SEL1L2: variants seen among roughly 807,000 people sequenced by gnomAD.
SEL1L2 encodes the protein protein sel-1 homolog 2.
SEL1L2 carries 89 observed loss-of-function variants against 98.8 expected under a neutral mutation model. The observed-to-expected ratio is 0.90, with a 90% CI of 0.76 to 1.07. The LOEUF is 1.07. SEL1L2 is among the 50% of genes least tolerant of loss of function. The pLI is 0.00. For missense variants in SEL1L2, 788 were observed against 812.0 expected (o/e 0.97, Z 0.36); for synonymous variants, 262 against 278.5 (o/e 0.94, Z 0.59).
At chr20:13,885,277 C>A in intron 10 of SEL1L2, 70 bp downstream of exon 10, 2 of 1,001,146 alleles carry the variant, frequency 2.0e-6, no homozygotes, top group African/African-American at 1.6e-5. Context: ...CCCCTGCTTT[C>A]ACTTCCCTGC....
intron 18 of SEL1L2, among the ~76,000 whole-genome samples, chr20:13,853,952 A>G (rs1158627565): frequency 6.6e-6 from 1 of 152,202 alleles, no homozygotes; most frequent in African/African-American, 2.4e-5. Flanking sequence ...ATTTCCCTAG[A>G]TGATAGATGT....
chr20:13,873,528 ATTT>A (rs1307261573), intron 12 of SEL1L2, among the ~76,000 whole-genome samples: 1 of 151,322 alleles, frequency 6.6e-6, no homozygotes, highest in African/African-American at 2.4e-5. Context: ...TGCCCAGCTA[ATTT>A]TTGTATTTTT....
rs189572477 is a variant in SEL1L2, at chr20:13,865,027, C to T, written c.1645+140G>A. On this transcript the variant is annotated intron_variant, in intron 17 of 19. Transcript: ENST00000284951. ...ATCTCTCACCAAAGACTGACCCTAACATCAGTATAGTTTGAAATGTCACCT... is the reference window on the plus strand; with the variant it reads ...ATCTCTCACCAAAGACTGACCCTAATATCAGTATAGTTTGAAATGTCACCT... The T allele has an allele frequency of 4.8e-4, 320 of 668,298 alleles. 1 individual carries two copies. The highest frequency in any genetic ancestry group is 7.6e-4 in the Non-Finnish European group (283 of 372,238). The allele number at this position is 668,298 out of a possible 1,614,324, so 41.4% of individuals were successfully genotyped here.
At chr20:13,980,698 C>T (rs2148547892) in intron 1 of SEL1L2, among the ~76,000 whole-genome samples, 1 of 152,280 alleles carries the variant, frequency 6.6e-6, no homozygotes, top group East Asian at 1.9e-4. Context: ...ATATTCATTA[C>T]AGCATGATTT....
chr20:13,962,378 AC>A (rs2050819909), intron 1 of SEL1L2, among the ~76,000 whole-genome samples: 1 of 152,026 alleles, frequency 6.6e-6, no homozygotes, highest in African/African-American at 2.4e-5. Flanking sequence ...AGCCTCCTTT[AC>A]CTTCCTGGGG....
intron 12 of SEL1L2, among the ~76,000 whole-genome samples, chr20:13,871,984 T>C (rs2046226103): frequency 6.6e-6 from 1 of 152,174 alleles, no homozygotes; most frequent in Non-Finnish European, 1.5e-5. Flanking sequence ...AGCACATAAA[T>C]AGAGAAGGCA....
chr20:13,894,006 A>C (rs946819440), intron 5 of SEL1L2, among the ~76,000 whole-genome samples: 3 of 152,170 alleles, frequency 2.0e-5, no homozygotes, highest in African/African-American at 7.2e-5. Flanking sequence ...AAAACACACC[A>C]AAACTTATGG....
intron 5 of SEL1L2, among the ~76,000 whole-genome samples, chr20:13,892,526 A>G (rs2047249422): frequency 6.6e-6 from 1 of 152,190 alleles, no homozygotes; most frequent in Non-Finnish European, 1.5e-5. Context: ...AGGATGCACA[A>G]AGAAAATGAA....
intron 15 of SEL1L2, among the ~76,000 whole-genome samples, chr20:13,866,280 C>T (rs1991020131): frequency 6.6e-6 from 1 of 152,188 alleles, no homozygotes; most frequent in Admixed American, 6.5e-5. Context: ...TCTCAATTGT[C>T]ATCCAAATCA....
chr20:13,932,444 A>G (rs867325082), intron 2 of SEL1L2, among the ~76,000 whole-genome samples: 1 of 103,990 alleles, frequency 9.6e-6, no homozygotes, highest in Non-Finnish European at 2.0e-5. Flanking sequence ...TATTATTATT[A>G]TTTTTTGAGA....
chr20:13,928,225 T>A (rs2048981016), intron 3 of SEL1L2: 3 of 152,182 alleles, frequency 2.0e-5, no homozygotes, highest in Admixed American at 2.0e-4. Context: ...TTCTCACCCT[T>A]TCAAAAACAA....
chr20:13,859,426 A>C lies in SEL1L2; in HGVS notation c.1654T>G (p.Phe552Val). 6.2e-7 allele frequency: 1 copy of C among 1,612,820 alleles called. No individual in the cohort carries two copies. Among genetic ancestry groups the C allele is most frequent in the Non-Finnish European group, 8.5e-7 (1 of 1,178,936 alleles). ...TAATCTCCAATTTTTACTCTAGCAA[A>C]TGCATTGCCTGATAGAAATATTAGA... The part of the protein sequence containing the change: ...WNRAAIQGNA[F>V]ARVKIGDYHY... Residue 552 changes from phenylalanine (F) to valine (V), a missense_variant, in exon 18 of 20, where the codon TTT becomes GTT. Physicochemically the swap from Phe to Val is conservative, Grantham distance 50 (BLOSUM62 -1). Coordinates refer to ENST00000284951, the MANE Select transcript of SEL1L2 (RefSeq NM_025229.2).
chr20:13,913,295 A>T (rs1364724805), intron 5 of SEL1L2, among the ~76,000 whole-genome samples: 3 of 152,242 alleles, frequency 2.0e-5, no homozygotes, highest in African/African-American at 7.2e-5. Flanking sequence ...GATTAGGATG[A>T]TGTAAAAAGA....
chr20:13,983,776 C>T (rs1430732027), intron 1 of SEL1L2, among the ~76,000 whole-genome samples: 1 of 152,084 alleles, frequency 6.6e-6, no homozygotes, highest in East Asian at 1.9e-4. Context: ...CCGCCTGGAC[C>T]TCCCAAAGTG....
Position 13,956,124 on chromosome 20 carries a change from T to C in SEL1L2, c.66A>G (p.Lys22=). 6.5e-7 allele frequency: 1 copy of C among 1,538,806 alleles called. No individual in the cohort carries two copies. Among genetic ancestry groups the C allele is most frequent in the Non-Finnish European group, 8.8e-7 (1 of 1,131,100 alleles). The change falls in exon 2 of 20, where the codon AAA becomes AAG. Residue 22 remains lysine (K), a synonymous_variant. Coordinates refer to ENST00000284951, the MANE Select transcript of SEL1L2 (RefSeq NM_025229.2). ...IILGVTIKTI[K]AEEHNKRQKE... ...TTTGTCTTTTATTATGTTCCTCTGC[T>C]TTGATAGCTGCAATACACAAAATTT...
intron 1 of SEL1L2, chr20:13,973,190 A>G (rs950259173): frequency 2.0e-5 from 3 of 152,186 alleles, no homozygotes; most frequent in African/African-American, 7.2e-5. Flanking sequence ...TTGCTATCAG[A>G]TATTTCATTT....
chr20:13,884,740 C>G (rs1161864124), intron 10 of SEL1L2, among the ~76,000 whole-genome samples: 1 of 152,110 alleles, frequency 6.6e-6, no homozygotes, highest in Non-Finnish European at 1.5e-5. Context: ...ATATCCTGAT[C>G]TCGTGATCCG....
chr20:13,893,576 C>A (rs890326802), intron 5 of SEL1L2, among the ~76,000 whole-genome samples: 1 of 152,114 alleles, frequency 6.6e-6, no homozygotes, highest in Non-Finnish European at 1.5e-5. Context: ...TAGGAGATTT[C>A]AATACCCCAC....
intron 1 of SEL1L2, among the ~76,000 whole-genome samples, chr20:13,989,125 C>G (rs1279338878): frequency 6.6e-6 from 1 of 152,170 alleles, no homozygotes; most frequent in African/African-American, 2.4e-5. Flanking sequence ...CATGGGAAGT[C>G]TTTTCATGTA....
Sources: allele counts gnomAD v4.1 joint callset (sites outside exome capture counted in the v4.1 genomes callset), GRCh38; gene constraint gnomAD v4.1.1; transcripts MANE v1.5; gene names NCBI Gene and HGNC (gene_info 2026-07-23, HGNC 2026-07-21).